The following NFAT5 variants were observed in gnomAD, a reference collection of about 807,000 sequenced individuals.
NFAT5 encodes the protein nuclear factor of activated T-cells 5.
A neutral mutation model predicts 166.5 loss-of-function variants in NFAT5; 31 were observed. The observed-to-expected ratio is 0.19, with a 90% CI of 0.14 to 0.25. NFAT5 has a LOEUF of 0.25. Ranked by LOEUF, NFAT5 falls within the 10% of genes least tolerant of loss-of-function variation. The probability of loss-of-function intolerance (pLI) is 1.00; values close to 1 mark genes in which losing one functional copy is unlikely to be tolerated. For missense variants in NFAT5, 1,449 were observed against 1,821.8 expected (o/e 0.80, Z 3.72); for synonymous variants, 612 against 639.7 (o/e 0.96, Z 0.65).
chr16:69,691,970 G>A lies in NFAT5; in HGVS notation c.2145G>A (p.Gln715=), dbSNP rs557246112. ...GTFPAVSASS[Q]LPNSDALLQQ... is the part of the protein sequence containing the mutation. ...TTCCAGCAGTTTCTGCTTCTAGTCA[G>A]CTGCCCAACAGCGATGCACTATTGC... The change falls in exon 13 of 15, where the codon CAG becomes CAA. Residue 715 remains glutamine, a synonymous_variant. Transcript: ENST00000349945. The A allele has an allele frequency of 1.2e-6, 2 of 1,614,028 alleles. No individual in the cohort carries two copies. Among genetic ancestry groups the A allele is most frequent in the African/African-American group, 2.7e-5 (2 of 74,910 alleles).
At chr16:69,606,369 C>A (rs918856872) in intron 2 of NFAT5, among the ~76,000 whole-genome samples, 3 of 152,176 alleles carry the variant, frequency 2.0e-5, no homozygotes, top group Non-Finnish European at 2.9e-5. Context: ...AAGGAGGCAG[C>A]TCCAGTTTTC....
intron 4 of NFAT5, among the ~76,000 whole-genome samples, chr16:69,652,369 T>G (rs984199685): frequency 6.6e-6 from 1 of 151,362 alleles, no homozygotes; most frequent in African/African-American, 2.4e-5. Flanking sequence ...GGAGAATCAC[T>G]TGAACCCAGG....
intron 2 of NFAT5, among the ~76,000 whole-genome samples, chr16:69,578,916 C>T (rs2031481023): frequency 6.6e-6 from 1 of 151,388 alleles, no homozygotes; most frequent in Admixed American, 6.6e-5. Context: ...GCTCTGTCAC[C>T]CAGGCTGGAG....
At chr16:69,589,816 A>G (rs1024988175) in intron 2 of NFAT5, among the ~76,000 whole-genome samples, 18 of 152,124 alleles carry the variant, frequency 1.2e-4, no homozygotes, top group Non-Finnish European at 2.4e-4. Context: ...TCTTCTCTGT[A>G]TCTTTTTTCT....
chr16:69,591,562 A>C (rs753639807), intron 2 of NFAT5, among the ~76,000 whole-genome samples: 2 of 152,130 alleles, frequency 1.3e-5, no homozygotes, highest in Non-Finnish European at 2.9e-5. Flanking sequence ...ATTATCGTGA[A>C]GCTTCTATGA....
Position 69,626,506 on chromosome 16 carries a change from T to G in NFAT5, c.231T>G (p.Pro77=), listed in dbSNP as rs1455466406. 6.4e-7 allele frequency: 1 copy of G among 1,570,728 alleles called. No homozygotes were observed. Among genetic ancestry groups the G allele is most frequent in the Non-Finnish European group, 8.6e-7 (1 of 1,161,138 alleles). ...SQTSGGEAGS[P]PPAVVAADAS... is the part of the protein sequence containing the mutation. ...CAAGCGGTGGTGAGGCAGGCTCGCC[T>G]CCTCCAGCTGTTGTTGCTGCTGGTA... The change falls in exon 3 of 15, where the codon CCT becomes CCG. Residue 77 remains proline (P), a synonymous_variant. Coordinates refer to ENST00000349945, the MANE Select transcript of NFAT5 (RefSeq NM_138713.4).
intron 2 of NFAT5, among the ~76,000 whole-genome samples, chr16:69,621,747 C>T (rs958427103): frequency 6.6e-6 from 1 of 152,144 alleles, no homozygotes; most frequent in African/African-American, 2.4e-5. Context: ...AGGAGGATCA[C>T]TTGAGTCCAA....
chr16:69,652,412 A>G (rs1208225950), intron 4 of NFAT5, among the ~76,000 whole-genome samples: 1 of 151,436 alleles, frequency 6.6e-6, no homozygotes, highest in South Asian at 2.1e-4. Flanking sequence ...AGATTGTGCC[A>G]CTGCACTCCA....
chr16:69,694,594 C>CT (rs1344558043), intron 13 of NFAT5, among the ~76,000 whole-genome samples: 2 of 152,176 alleles, frequency 1.3e-5, no homozygotes, highest in African/African-American at 2.4e-5. Flanking sequence ...AGTTAGAACT[C>CT]TATCACCTAT....
At chr16:69,602,919 C>CT (rs965571657) in intron 2 of NFAT5, among the ~76,000 whole-genome samples, 2 of 151,620 alleles carry the variant, frequency 1.3e-5, no homozygotes, top group South Asian at 2.1e-4. Flanking sequence ...CCTTGGTTAT[C>CT]TTTTTTTTAA....
At chr16:69,574,184 T>C (rs941421291) in intron 2 of NFAT5, among the ~76,000 whole-genome samples, 1 of 152,134 alleles carries the variant, frequency 6.6e-6, no homozygotes, top group Admixed American at 6.5e-5. Flanking sequence ...ACAGACACTT[T>C]TTATATGAAA....
intron 2 of NFAT5, among the ~76,000 whole-genome samples, chr16:69,613,411 CTGAGGGATAAAACCCTTACTGCT>C (rs2033794688): frequency 6.6e-6 from 1 of 152,156 alleles, no homozygotes; most frequent in Non-Finnish European, 1.5e-5. Context: ...TCCCTGTGTG[CTGAGGGATAAAACCCTTACTGCT>C]TAGCATGATA....
Position 69,677,221 on chromosome 16 carries a change from G to A in NFAT5, c.1576G>A (p.Val526Ile). Residue 526 changes from valine (V) to isoleucine (I), a missense_variant, in exon 10 of 15, where the codon GTT (valine) becomes ATT (isoleucine). Around this residue, in one of 7 missense-constraint regions of NFAT5, gnomAD observed 245 missense variants for 366.6 expected, o/e 0.67. Coordinates refer to ENST00000349945, the MANE Select transcript of NFAT5 (RefSeq NM_138713.4). Reference sequence around the variant, plus strand: ...ACATTAGAATCATCTTATTGTGAAGGTTCCTCCCTATCATGACCAACATAT... The same window carrying A: ...ACATTAGAATCATCTTATTGTGAAGATTCCTCCCTATCATGACCAACATAT... ...LFHQNHLIVK[V>I]PPYHDQHITL... The A allele has an allele frequency of 1.2e-6, 2 of 1,606,652 alleles. No individual in the cohort carries two copies. Among genetic ancestry groups the A allele is most frequent in the East Asian group, 4.5e-5 (2 of 44,624 alleles).
chr16:69,580,213 G>A (rs1230970128), intron 2 of NFAT5, among the ~76,000 whole-genome samples: 3 of 151,744 alleles, frequency 2.0e-5, no homozygotes, highest in East Asian at 1.9e-4. Context: ...AATATGTAAT[G>A]TAATGTAACT....
At chr16:69,598,151 G>A (rs1464549790) in intron 2 of NFAT5, among the ~76,000 whole-genome samples, 1 of 152,004 alleles carries the variant, frequency 6.6e-6, no homozygotes, top group Non-Finnish European at 1.5e-5. Flanking sequence ...GGAAGCCCGA[G>A]GCGGGAGGAT....
intron 2 of NFAT5, among the ~76,000 whole-genome samples, chr16:69,591,531 A>C (rs1244295345): frequency 6.6e-6 from 1 of 152,014 alleles, no homozygotes; most frequent in African/African-American, 2.4e-5. Flanking sequence ...TTTTATCCTC[A>C]TTTCCTTTTT....
At chr16:69,607,955 A>C (rs2033500963) in intron 2 of NFAT5, among the ~76,000 whole-genome samples, 2 of 152,286 alleles carry the variant, frequency 1.3e-5, no homozygotes, top group South Asian at 4.1e-4. Flanking sequence ...ATTTCTGAAA[A>C]GGTACTTCTG....
At chr16:69,688,810 G>A (rs896710422) in intron 11 of NFAT5, among the ~76,000 whole-genome samples, 1 of 152,184 alleles carries the variant, frequency 6.6e-6, no homozygotes, top group Non-Finnish European at 1.5e-5. Flanking sequence ...AACAACATCT[G>A]CCTTCACAGA....
At chr16:69,573,869 C>CTTT (rs774086026) in intron 2 of NFAT5, among the ~76,000 whole-genome samples, 7 of 111,726 alleles carry the variant, frequency 6.3e-5, no homozygotes, top group Non-Finnish European at 1.1e-4. Context: ...AAAACAGCCA[C>CTTT]TTTTTTTTTT....
Sources: gnomAD v4.1 joint callset for allele counts (sites outside exome capture counted in the v4.1 genomes callset) on GRCh38, gnomAD v4.1.1 for gene constraint, gnomAD v4.1.1 regional missense constraint, MANE v1.5 for transcripts, NCBI Gene and HGNC (gene_info 2026-07-23, HGNC 2026-07-21) for gene names.